RNF10: variants seen among roughly 807,000 people sequenced by gnomAD.
RNF10 encodes E3 ubiquitin-protein ligase RNF10.
RNF10 carries 38 observed loss-of-function variants against 91.4 expected under a neutral mutation model. The ratio of observed to expected loss-of-function variants is 0.42; its 90% confidence interval spans 0.32 to 0.54. RNF10 has a LOEUF of 0.54. RNF10 is among the 20% of genes least tolerant of loss of function. The probability of loss-of-function intolerance (pLI) is 0.16; values close to 1 mark genes in which losing one functional copy is unlikely to be tolerated. For missense variants in RNF10, 945 were observed against 1,012.0 expected (o/e 0.93, Z 0.90); for synonymous variants, 364 against 366.3 (o/e 0.99, Z 0.07).
At chr12:120,567,470 A>G (rs913570718) in intron 13 of RNF10, among the ~76,000 whole-genome samples, 1 of 152,196 alleles carries the variant, frequency 6.6e-6, no homozygotes, top group African/African-American at 2.4e-5. Context: ...TGGGAGGCCA[A>G]GGCGGGTGGA....
chr12:120,551,202 TCTCAAACTCCTGGC>T (rs1872997315), intron 2 of RNF10, among the ~76,000 whole-genome samples: 1 of 151,574 alleles, frequency 6.6e-6, no homozygotes, highest in Admixed American at 6.6e-5. Flanking sequence ...TCTAGACTGG[TCTCAAACTCCTGGC>T]CTCAAATGAT....
intron 2 of RNF10, among the ~76,000 whole-genome samples, chr12:120,548,267 G>GC (rs1367786394): frequency 1.3e-5 from 2 of 152,220 alleles, no homozygotes; most frequent in African/African-American, 4.8e-5. Context: ...ACCCAGGTTA[G>GC]AGAGCTGTCA....
intron 1 of RNF10, among the ~76,000 whole-genome samples, chr12:120,538,084 G>C (rs985138841): frequency 3.9e-5 from 6 of 152,150 alleles, no homozygotes; most frequent in African/African-American, 1.4e-4. Flanking sequence ...CTCATAAGCT[G>C]AACACTTCAT....
chr12:120,575,936 C>T lies in RNF10; in HGVS notation c.2345C>T (p.Ser782Leu). The T allele has an allele frequency of 6.2e-7, 1 of 1,613,788 alleles. No homozygotes were observed. Among genetic ancestry groups the T allele is most frequent in the South Asian group, 1.1e-5 (1 of 91,056 alleles). Residue 782 changes from serine (S) to leucine (L), a missense_variant, in exon 16 of 17, where the codon TCA becomes TTA. By Grantham distance (145) the Ser-to-Leu change is moderately radical. Transcript: ENST00000325954. ...AFMKLDTPAT[S>L]DPLSEEKGGK... is the part of the protein sequence containing the mutation. ...ATGAAACTGGACACACCAGCTACTT[C>T]AGATCCCCTCTCTGGTAAGGGCAGA... is the stretch of plus-strand genomic sequence containing the variant.
At chr12:120,541,521 G>A (rs549724562) in intron 1 of RNF10, among the ~76,000 whole-genome samples, 105 of 147,272 alleles carry the variant, frequency 7.1e-4, no homozygotes, top group African/African-American at 2.5e-3. Context: ...TGCTAGCCCC[G>A]CCTCCCGGGT....
chr12:120,564,041 CT>C, intron 10 of RNF10, 98 bp downstream of exon 10: 1 of 1,383,470 alleles, frequency 7.2e-7, no homozygotes, highest in Non-Finnish European at 1.0e-6. Flanking sequence ...CCTTCAAGGC[CT>C]TTAGTTTTTG....
At chr12:120,568,850 G>A (rs186677657) in intron 13 of RNF10, among the ~76,000 whole-genome samples, 152 of 152,236 alleles carry the variant, frequency 1.0e-3, no homozygotes, top group African/African-American at 3.3e-3. Context: ...TTGAACTCCT[G>A]GGCTCAAGTG....
chr12:120,545,182 T>C (rs1312952886), intron 1 of RNF10, among the ~76,000 whole-genome samples: 1 of 152,114 alleles, frequency 6.6e-6, no homozygotes, highest in African/African-American at 2.4e-5. Flanking sequence ...AAGAAACATT[T>C]TTATTTTTTA....
Position 120,563,921 on chromosome 12 carries a change from T to C in RNF10, c.1643T>C (p.Ile548Thr), listed in dbSNP as rs765600693. 6.2e-7 allele frequency: 1 copy of C among 1,614,090 alleles called. No homozygotes were observed. The highest frequency in any genetic ancestry group is 1.1e-5 in the South Asian group (1 of 91,066). ...AAGATCTCAGCAACTGTGGTGGAGA[T>C]TGCTGGCTACTCCATGTCTGAGGTG... Reference protein sequence around the residue: ...PEKISATVVEIAGYSMSEDVR... With the variant: ...PEKISATVVETAGYSMSEDVR... The change falls in exon 10 of 17, where the codon ATT becomes ACT. Residue 548 changes from isoleucine (I) to threonine (T), a missense_variant. Coordinates refer to ENST00000325954, the MANE Select transcript of RNF10 (RefSeq NM_014868.5).
In RNF10 at chr12:120,569,734, C is replaced by T. The variant is rs187664300; in HGVS notation, c.2042-1457C>T. ...TGTATTTTTAGTAGAGATGGGGTTT[C>T]GCCATGTTGGCCAGGTTGGTCTCAA... is the stretch of plus-strand genomic sequence containing the variant. On this transcript the variant is annotated intron_variant, in intron 13 of 16. Coordinates refer to ENST00000325954, the MANE Select transcript of RNF10 (RefSeq NM_014868.5). Among the ~76,000 whole-genome samples, 157 of 151,836 alleles carry T rather than the reference C, an allele frequency of 1.0e-3. 1 individual carries two copies. The highest frequency in any genetic ancestry group is 3.3e-3 in the African/African-American group (138 of 41,414).
At position 120,557,318 on chromosome 12, in the gene RNF10, T is replaced by C; in HGVS notation, c.682T>C (p.Cys228Arg). ...CSHEVPSCPI[C>R]LYPPTAAKIT... ...CCATGAAGTGCCATCTTGCCCAATATGCCTCTATCCACCTACTGCAGCCAA... is the reference window on the plus strand; with the variant it reads ...CCATGAAGTGCCATCTTGCCCAATACGCCTCTATCCACCTACTGCAGCCAA... The change falls in exon 5 of 17, where the codon TGC becomes CGC. Residue 228 changes from cysteine (C) to arginine (R), a missense_variant. Cys to Arg is a radical substitution (Grantham distance 180). Transcript: ENST00000325954. 6.2e-7 allele frequency: 1 copy of C among 1,614,174 alleles called. No homozygotes were observed. Among genetic ancestry groups the C allele is most frequent in the Non-Finnish European group, 8.5e-7 (1 of 1,180,038 alleles).
In RNF10 at chr12:120,563,857, C is replaced by T; in HGVS notation, c.1579C>T (p.Leu527Phe). ...CCTGCACCCTGTGAATGTGCGCTGCCTCGTGCGGGAGTACGGCAGCCTGGA... is the reference window on the plus strand; with the variant it reads ...CCTGCACCCTGTGAATGTGCGCTGCTTCGTGCGGGAGTACGGCAGCCTGGA... ...MFLHPVNVRC[L>F]VREYGSLERS... The change falls in exon 10 of 17, where the codon CTC becomes TTC. Residue 527 changes from leucine (L) to phenylalanine (F), a missense_variant. Physicochemically the swap from Leu to Phe is conservative, Grantham distance 22. Transcript: ENST00000325954. 2 of 1,614,158 alleles carry T rather than the reference C, an allele frequency of 1.2e-6. No individual in the cohort carries two copies. The highest frequency in any genetic ancestry group is 8.5e-7 in the Non-Finnish European group (1 of 1,180,044).
chr12:120,539,811 G>A (rs1300042827), intron 1 of RNF10, among the ~76,000 whole-genome samples: 3 of 151,958 alleles, frequency 2.0e-5, no homozygotes, highest in Non-Finnish European at 2.9e-5. Flanking sequence ...GTTCTCAGTG[G>A]TGGCTGTGCA....
intron 6 of RNF10, among the ~76,000 whole-genome samples, chr12:120,560,134 T>C (rs73230318): frequency 0.045 from 6,749 of 150,044 alleles, 251 homozygotes; most frequent in South Asian, 0.1. Context: ...GCTTTTCTTT[T>C]TCTGTGTGTG....
intron 1 of RNF10, among the ~76,000 whole-genome samples, chr12:120,542,697 C>T (rs770411062): frequency 4.6e-5 from 7 of 151,968 alleles, no homozygotes; most frequent in Middle Eastern, 3.2e-3. Context: ...GGATTACAGG[C>T]GTGTGGCACC....
intron 12 of RNF10, among the ~76,000 whole-genome samples, chr12:120,566,255 C>A (rs1565967233): frequency 6.6e-6 from 1 of 152,040 alleles, no homozygotes; most frequent in African/African-American, 2.4e-5. Context: ...TTGTTTTCAC[C>A]TTTTTATTAT....
Position 120,552,563 on chromosome 12 carries a change from T to A in RNF10, c.419T>A (p.Leu140Gln). 1 of 1,614,192 alleles carries A rather than the reference T, an allele frequency of 6.2e-7. No homozygotes were observed. Reference protein sequence around the residue: ...AQFSGPKKINLNHLLNFTFEP... With the variant: ...AQFSGPKKINQNHLLNFTFEP... ...TTCTCTGGTCCTAAGAAGATCAACC[T>A]GAACCACTTGTTGAATTTCACTTTT... Residue 140 changes from leucine to glutamine, a missense_variant, in exon 3 of 17, where the codon CTG becomes CAG. Transcript: ENST00000325954.
At position 120,546,483 on chromosome 12, in the gene RNF10, A is replaced by G. The variant is rs747175463; in HGVS notation, c.236A>G (p.Asn79Ser). ...TACCCCAAAAATGAAAGTTTTAACAACCAGTCCCGTCGCTCCAGTTCACAG... is the reference window on the plus strand; with the variant it reads ...TACCCCAAAAATGAAAGTTTTAACAGCCAGTCCCGTCGCTCCAGTTCACAG... Reference protein sequence around the residue: ...LSYPKNESFNNQSRRSSSQKS... With the variant: ...LSYPKNESFNSQSRRSSSQKS... Residue 79 changes from asparagine to serine, a missense_variant, in exon 2 of 17, where the codon AAC (asparagine) becomes AGC (serine). Coordinates refer to ENST00000325954, the MANE Select transcript of RNF10 (RefSeq NM_014868.5). 6.2e-7 allele frequency: 1 copy of G among 1,614,222 alleles called. No individual in the cohort carries two copies. The highest frequency in any genetic ancestry group is 8.5e-7 in the Non-Finnish European group (1 of 1,180,030).
intron 14 of RNF10, chr12:120,575,339 C>A: frequency 3.0e-6 from 1 of 330,986 alleles, no homozygotes; most frequent in Non-Finnish European, 5.6e-6. Context: ...TCGGAATTCC[C>A]AATTTGAGGG....
Sources: allele counts gnomAD v4.1 joint callset (sites outside exome capture counted in the v4.1 genomes callset), GRCh38; gene constraint gnomAD v4.1.1; transcripts MANE v1.5; gene names NCBI Gene and HGNC (gene_info 2026-07-23, HGNC 2026-07-21).